The following GALNT13 variants were observed in gnomAD, a reference collection of about 807,000 sequenced individuals.
GALNT13 encodes polypeptide N-acetylgalactosaminyltransferase 13.
Under a neutral mutation model 64.2 loss-of-function variants are expected in GALNT13, and 28 were observed. The observed-to-expected ratio is 0.44, with a 90% confidence interval of 0.32 to 0.60. GALNT13 has a LOEUF of 0.60. GALNT13 is among the 20% of genes least tolerant of loss of function. The probability of loss-of-function intolerance (pLI) is 0.05; values close to 1 mark genes in which losing one functional copy is unlikely to be tolerated. For missense variants in GALNT13, 577 were observed against 669.8 expected (o/e 0.86, Z 1.53); for synonymous variants, 214 against 224.6 (o/e 0.95, Z 0.42).
At chr2:153,098,530 T>C in the GALNT13 span, among the ~76,000 whole-genome samples, 1 of 152,220 alleles carries the variant, frequency 6.6e-6, no homozygotes, top group Non-Finnish European at 1.5e-5. Context: ...AAAAACTTCA[T>C]AGAAATGAAA....
the GALNT13 span, among the ~76,000 whole-genome samples, chr2:153,079,843 G>T: frequency 6.6e-6 from 1 of 152,146 alleles, no homozygotes; most frequent in African/African-American, 2.4e-5. Context: ...GTGTTTAAAG[G>T]ATGCGCTGCG....
chr2:154,145,072 CTATCTA>C lies in GALNT13; in HGVS notation c.311+4569_311+4574del, dbSNP rs1417028841. On this transcript the variant is annotated intron_variant, in intron 4 of 12. Transcript: ENST00000392825. ...GTTCTCTCTCTCTCTCTCTCTCTCT[CTATCTA>C]TCTATCTATCTATCTATCTATCTAT... is the stretch of plus-strand genomic sequence containing the variant. Among the ~76,000 whole-genome samples the C allele has an allele frequency of 7.5e-3, 845 of 112,754 alleles. 10 individuals are homozygous for C. The highest frequency in any genetic ancestry group is 0.027 in the African/African-American group (763 of 28,456). 74.0% of individuals were successfully genotyped at this position (112,754 alleles called of 152,430 possible).
chr2:153,196,038 G>A, the GALNT13 span, among the ~76,000 whole-genome samples: 2 of 152,282 alleles, frequency 1.3e-5, no homozygotes, highest in South Asian at 2.1e-4. Flanking sequence ...CTGAGCCCAA[G>A]GCTTTTATAG....
chr2:154,303,374 T>C (rs555020875), intron 9 of GALNT13, among the ~76,000 whole-genome samples: 122 of 152,164 alleles, frequency 8.0e-4, no homozygotes, highest in Middle Eastern at 3.4e-3. Flanking sequence ...AATCTTATTA[T>C]GCAAATAGAC....
intron 8 of GALNT13, among the ~76,000 whole-genome samples, chr2:154,284,888 C>T (rs1243801729): frequency 1.3e-5 from 2 of 152,092 alleles, no homozygotes; most frequent in Non-Finnish European, 2.9e-5. Context: ...AAATATAACA[C>T]TTATTATCAT....
chr2:153,336,278 G>C, the GALNT13 span, among the ~76,000 whole-genome samples: 2,086 of 152,194 alleles, frequency 0.014, 49 homozygotes, highest in African/African-American at 0.048. Context: ...CCCCAAAATG[G>C]TAGATCTACC....
chr2:154,374,837 T>G (rs1212764507), intron 9 of GALNT13, among the ~76,000 whole-genome samples: 1 of 152,198 alleles, frequency 6.6e-6, no homozygotes, highest in Non-Finnish European at 1.5e-5. Flanking sequence ...TTTAAATATC[T>G]TTCAAAAAGA....
chr2:153,214,511 C>CAATGCATGCAACAG, the GALNT13 span, among the ~76,000 whole-genome samples: 2 of 152,050 alleles, frequency 1.3e-5, no homozygotes, highest in Non-Finnish European at 2.9e-5. Flanking sequence ...GATTGCATGC[C>CAATGCATGCAACAG]ATTGATACAT....
At chr2:153,220,873 G>A in the GALNT13 span, among the ~76,000 whole-genome samples, 1 of 152,122 alleles carries the variant, frequency 6.6e-6, no homozygotes, top group Non-Finnish European at 1.5e-5. Context: ...TTTTAAATGG[G>A]AGTGGTCTAA....
At chr2:153,132,364 AC>A in the GALNT13 span, among the ~76,000 whole-genome samples, 3 of 152,144 alleles carry the variant, frequency 2.0e-5, no homozygotes, top group Non-Finnish European at 2.9e-5. Context: ...TCAAGTTTGA[AC>A]TTTTGATTTA....
At chr2:153,833,665 T>C in the GALNT13 span, among the ~76,000 whole-genome samples, 1 of 152,158 alleles carries the variant, frequency 6.6e-6, no homozygotes, top group African/African-American at 2.4e-5. Context: ...TTCTTAGGCA[T>C]GCACTAGGCG....
the GALNT13 span, among the ~76,000 whole-genome samples, chr2:153,216,426 C>T: frequency 6.6e-6 from 1 of 151,978 alleles, no homozygotes; most frequent in Non-Finnish European, 1.5e-5. Flanking sequence ...TCCTAATCAG[C>T]CAGTATTTGT....
At chr2:153,455,007 A>G in the GALNT13 span, among the ~76,000 whole-genome samples, 1 of 152,212 alleles carries the variant, frequency 6.6e-6, no homozygotes, top group Non-Finnish European at 1.5e-5. Flanking sequence ...ATACATGTAT[A>G]TTTGAGTAAA....
intron 3 of GALNT13, among the ~76,000 whole-genome samples, chr2:154,117,880 T>C (rs773396694): frequency 9.2e-5 from 14 of 152,214 alleles, no homozygotes; most frequent in Non-Finnish European, 1.9e-4. Flanking sequence ...GAAACTATAA[T>C]GTCTTCATTT....
At chr2:153,593,825 C>T in the GALNT13 span, among the ~76,000 whole-genome samples, 5 of 152,146 alleles carry the variant, frequency 3.3e-5, no homozygotes. Flanking sequence ...GACCCATTTT[C>T]TGGTGGTATA....
chr2:154,312,401 A>G (rs1386937136), intron 9 of GALNT13, among the ~76,000 whole-genome samples: 1 of 152,180 alleles, frequency 6.6e-6, no homozygotes, highest in Non-Finnish European at 1.5e-5. Context: ...TTTCTTCTGT[A>G]AAGAAACTAG....
chr2:153,279,422 A>G, the GALNT13 span, among the ~76,000 whole-genome samples: 1 of 152,054 alleles, frequency 6.6e-6, no homozygotes, highest in African/African-American at 2.4e-5. Flanking sequence ...GAAAATGGGC[A>G]TCCTTGTCTT....
the GALNT13 span, among the ~76,000 whole-genome samples, chr2:153,451,524 T>A: frequency 0.034 from 5,248 of 152,266 alleles, 317 homozygotes; most frequent in African/African-American, 0.12. Context: ...AAATTCTTTC[T>A]GCTCCATTTT....
chr2:154,235,312 G>C (rs891571302), intron 4 of GALNT13, among the ~76,000 whole-genome samples: 35 of 152,222 alleles, frequency 2.3e-4, no homozygotes, highest in African/African-American at 7.9e-4. Flanking sequence ...TTATGACATA[G>C]AAACTTACTT....
Sources: allele counts gnomAD v4.1 joint callset (sites outside exome capture counted in the v4.1 genomes callset), GRCh38; gene constraint gnomAD v4.1.1; transcripts MANE v1.5; gene names NCBI Gene and HGNC (gene_info 2026-07-23, HGNC 2026-07-21).